ERC1: variants seen among roughly 807,000 people sequenced by gnomAD.
ERC1 encodes ELKS/RAB6-interacting/CAST family member 1, also known as RAB6 interacting protein 2.
In ERC1, 56 loss-of-function variants were observed where a neutral mutation model predicts 132.0. The observed-to-expected ratio is 0.42, with a 90% CI of 0.34 to 0.53. The LOEUF (loss-of-function observed/expected upper bound fraction) is 0.53. Ranked by LOEUF, ERC1 falls within the 20% of genes least tolerant of loss-of-function variation. The pLI is 0.03. For missense variants in ERC1, 1,202 were observed against 1,349.9 expected (o/e 0.89, Z 1.72); for synonymous variants, 478 against 476.1 (o/e 1.00, Z -0.05).
intron 8 of ERC1, among the ~76,000 whole-genome samples, chr12:1,155,850 T>C (rs1418535044): frequency 6.8e-6 from 1 of 147,830 alleles, no homozygotes; most frequent in Non-Finnish European, 1.5e-5. Flanking sequence ...ATGAGAGTAA[T>C]ATGTGTTCAA....
At chr12:1,012,746 T>C (rs1348481278) in intron 1 of ERC1, among the ~76,000 whole-genome samples, 10 of 152,124 alleles carry the variant, frequency 6.6e-5, no homozygotes, top group African/African-American at 2.4e-4. Flanking sequence ...GAGCCACTGC[T>C]CCCGGCTGAT....
chr12:1,313,942 C>T (rs12320816), intron 15 of ERC1, among the ~76,000 whole-genome samples: 2,474 of 152,144 alleles, frequency 0.016, 69 homozygotes, highest in African/African-American at 0.056. Context: ...CCAGATCACA[C>T]CATTGCACTT....
chr12:1,439,507 A>G (rs1190860078), intron 17 of ERC1, among the ~76,000 whole-genome samples: 1 of 152,236 alleles, frequency 6.6e-6, no homozygotes, highest in Non-Finnish European at 1.5e-5. Flanking sequence ...AAAATGTCTC[A>G]TCCCTTTTTA....
chr12:1,178,625 G>A (rs886388730), intron 8 of ERC1, among the ~76,000 whole-genome samples: 9 of 152,248 alleles, frequency 5.9e-5, no homozygotes, highest in Admixed American at 2.0e-4. Context: ...TCTCTTGGGG[G>A]TGAGGGCAAC....
intron 12 of ERC1, among the ~76,000 whole-genome samples, chr12:1,195,837 C>T (rs1254502995): frequency 6.6e-6 from 1 of 150,974 alleles, no homozygotes; most frequent in Admixed American, 6.7e-5. Context: ...ACTTCCAACC[C>T]AGTGCATTCA....
At chr12:1,345,187 C>CTTTTTTTTTTTTTTTTTTTT (rs573681390) in intron 15 of ERC1, among the ~76,000 whole-genome samples, 2 of 131,490 alleles carry the variant, frequency 1.5e-5, no homozygotes, top group African/African-American at 3.0e-5. Flanking sequence ...AATATTTCTT[C>CTTTTTTTTTTTTTTTTTTTT]TTTTTTTTTT....
intron 7 of ERC1, among the ~76,000 whole-genome samples, chr12:1,133,985 T>C (rs1430036949): frequency 6.6e-6 from 1 of 152,244 alleles, no homozygotes; most frequent in Non-Finnish European, 1.5e-5. Flanking sequence ...GCTTCTTTGC[T>C]TGTCTGGTGA....
intron 15 of ERC1, among the ~76,000 whole-genome samples, chr12:1,356,399 A>G (rs980073827): frequency 2.0e-5 from 3 of 152,088 alleles, no homozygotes; most frequent in Non-Finnish European, 4.4e-5. Context: ...TTGAGTTTAT[A>G]TATAATAAAA....
At chr12:1,440,419 G>A (rs539098495) in intron 17 of ERC1, among the ~76,000 whole-genome samples, 17 of 150,328 alleles carry the variant, frequency 1.1e-4, no homozygotes, top group East Asian at 9.8e-4. Flanking sequence ...TGTTAGCCAG[G>A]ATGGTCTCGA....
At chr12:1,346,004 C>A (rs1484194808) in intron 15 of ERC1, among the ~76,000 whole-genome samples, 2 of 152,132 alleles carry the variant, frequency 1.3e-5, no homozygotes, top group Non-Finnish European at 2.9e-5. Context: ...TCTCTTCCTG[C>A]CATCACTGCA....
At chr12:1,366,087 T>C (rs754859532) in intron 15 of ERC1, among the ~76,000 whole-genome samples, 60 of 152,172 alleles carry the variant, frequency 3.9e-4, no homozygotes, top group Non-Finnish European at 7.8e-4. Flanking sequence ...GTTACTGTTA[T>C]TGGTATAGTT....
intron 18 of ERC1, among the ~76,000 whole-genome samples, chr12:1,487,737 G>A (rs1462103897): frequency 1.4e-5 from 2 of 142,186 alleles, no homozygotes; most frequent in Non-Finnish European, 3.1e-5. Flanking sequence ...GAAAGAGAGA[G>A]AGAGGAGAAG....
intron 3 of ERC1, among the ~76,000 whole-genome samples, chr12:1,095,372 G>A (rs1379045164): frequency 6.9e-6 from 1 of 144,640 alleles, no homozygotes; most frequent in Non-Finnish European, 1.5e-5. Context: ...GGAGGTTGCA[G>A]TGAGCCGAGA....
chr12:1,093,298 C>A (rs56153967), intron 3 of ERC1, among the ~76,000 whole-genome samples: 28,766 of 152,042 alleles, frequency 0.19, 3,440 homozygotes, highest in Non-Finnish European at 0.25. Flanking sequence ...TTATTCTTAG[C>A]TTTTGTATTA....
rs2083404325 is a variant in ERC1 at position 1,337,367 on chromosome 12, A to T, written c.2781-34466A>T. Among the ~76,000 whole-genome samples the T allele has an allele frequency of 3.4e-5, 5 of 146,660 alleles. No individual in the cohort carries two copies. In the South Asian group the frequency reaches 1.1e-3, roughly 31 times the overall value. ...AAAGTCTATTTTTTCTGAAATTAGG[A>T]TGTAATCCTGCTTTTTTCTGTTTGC... is the stretch of plus-strand genomic sequence containing the variant. On this transcript the variant is annotated intron_variant, in intron 15 of 18. Coordinates refer to ENST00000360905, the MANE Select transcript of ERC1 (RefSeq NM_178040.4).
At chr12:1,093,959 A>ATATAAATATATATATTTTTC (rs1943627635) in intron 3 of ERC1, among the ~76,000 whole-genome samples, 5 of 109,664 alleles carry the variant, frequency 4.6e-5, no homozygotes, top group African/African-American at 7.0e-5. Flanking sequence ...ATATTTTTCT[A>ATATAAATATATATATTTTTC]TATATATATA....
intron 1 of ERC1, among the ~76,000 whole-genome samples, chr12:1,025,017 C>CA: frequency 6.6e-6 from 1 of 152,136 alleles, no homozygotes; most frequent in South Asian, 2.1e-4. Flanking sequence ...AGGTTTTATG[C>CA]AATTACTGTG....
At chr12:1,287,262 T>G (rs1051317319) in intron 14 of ERC1, among the ~76,000 whole-genome samples, 1 of 152,248 alleles carries the variant, frequency 6.6e-6, no homozygotes, top group African/African-American at 2.4e-5. Flanking sequence ...CCAGATGGAT[T>G]AAGGACTAAA....
intron 13 of ERC1, among the ~76,000 whole-genome samples, chr12:1,256,524 C>T (rs1044230360): frequency 6.9e-6 from 1 of 145,250 alleles, no homozygotes; most frequent in Non-Finnish European, 1.5e-5. Flanking sequence ...TCTCTTAAAA[C>T]ATTTGCCCAA....
Sources: gnomAD v4.1 joint callset for allele counts (sites outside exome capture counted in the v4.1 genomes callset) on GRCh38, gnomAD v4.1.1 for gene constraint, MANE v1.5 for transcripts, NCBI Gene and HGNC (gene_info 2026-07-23, HGNC 2026-07-21) for gene names.